Variants in CSMD3 observed in about 807,000 individuals in gnomAD.
CSMD3 encodes the protein CUB and sushi domain-containing protein 3.
In CSMD3, 177 loss-of-function variants were observed where a neutral mutation model predicts 435.2. The observed-to-expected ratio is 0.41, with a 90% CI of 0.36 to 0.46. The LOEUF (loss-of-function observed/expected upper bound fraction) is 0.46. Ranked by LOEUF, CSMD3 falls within the 20% of genes least tolerant of loss-of-function variation. CSMD3 has a pLI of 0.34. For synonymous variants in CSMD3, 1,656 were observed against 1,520.5 expected, an observed-to-expected ratio of 1.09 and a Z score of -2.07; for missense variants, 4,265 against 4,504.6, an observed-to-expected ratio of 0.95 and a Z score of 1.52.
chr8:113,395,345 C>T (rs535731638), intron 1 of CSMD3, among the ~76,000 whole-genome samples: 2 of 152,048 alleles, frequency 1.3e-5, no homozygotes, highest in Non-Finnish European at 2.9e-5. Context: ...CGGTGGCTCA[C>T]GCCTGTAATC....
chr8:113,373,661 A>G (rs2133064351), intron 1 of CSMD3, among the ~76,000 whole-genome samples: 1 of 152,226 alleles, frequency 6.6e-6, no homozygotes, highest in Middle Eastern at 3.4e-3. Context: ...CAATGTTACT[A>G]ACATGAAAAA....
intron 12 of CSMD3, among the ~76,000 whole-genome samples, chr8:112,806,552 T>G (rs188082446): frequency 1.3e-5 from 2 of 152,190 alleles, no homozygotes; most frequent in Non-Finnish European, 2.9e-5. Flanking sequence ...AGAACAAGCA[T>G]TGATCCCAGT....
intron 59 of CSMD3, among the ~76,000 whole-genome samples, chr8:112,274,477 G>A (rs1232880162): frequency 2.0e-5 from 3 of 152,040 alleles, no homozygotes; most frequent in East Asian, 1.9e-4. Context: ...TACCAGAGTC[G>A]ACATTGACAG....
chr8:112,997,161 G>T (rs1206726223), intron 6 of CSMD3, among the ~76,000 whole-genome samples: 1 of 151,644 alleles, frequency 6.6e-6, no homozygotes, highest in African/African-American at 2.4e-5. Context: ...TCAATGTTTA[G>T]TGATAATGGT....
intron 61 of CSMD3, among the ~76,000 whole-genome samples, chr8:112,258,740 C>T (rs1231369485): frequency 6.6e-6 from 1 of 152,116 alleles, no homozygotes; most frequent in Non-Finnish European, 1.5e-5. Flanking sequence ...GCATCTAGAA[C>T]TAGAAATACC....
At chr8:113,433,075 C>T (rs908363902) in intron 1 of CSMD3, among the ~76,000 whole-genome samples, 14 of 152,198 alleles carry the variant, frequency 9.2e-5, no homozygotes, top group African/African-American at 3.4e-4. Flanking sequence ...GGGAGGGGCG[C>T]CTGTCCAAAC....
chr8:113,313,068 T>C (rs2093882536), intron 2 of CSMD3: 2 of 152,304 alleles, frequency 1.3e-5, no homozygotes, highest in East Asian at 1.9e-4. Flanking sequence ...TGTGCTCTAA[T>C]AGGATTTTGT....
chr8:112,975,852 C>T lies in CSMD3; in HGVS notation c.1327G>A (p.Val443Ile). ...CATCCAATACCTCTATGAGTAACAA[C>T]TGCAAGCTCTTTAGTTCTTTCTATC... ...EQIERTKELA[V>I]VTHRVKKAID... Residue 443 changes from valine (V) to isoleucine (I), a missense_variant, in exon 7 of 71, where the codon GTT becomes ATT. Around this residue, in one of 3 missense-constraint regions of CSMD3, gnomAD observed 731 missense variants for 755.4 expected, o/e 0.97. Transcript: ENST00000297405. 6.2e-7 allele frequency: 1 copy of T among 1,613,386 alleles called. No individual in the cohort carries two copies. The highest frequency in any genetic ancestry group is 8.5e-7 in the Non-Finnish European group (1 of 1,179,846).
At chr8:112,330,317 G>C (rs1823913188) in intron 45 of CSMD3, among the ~76,000 whole-genome samples, 1 of 151,876 alleles carries the variant, frequency 6.6e-6, no homozygotes, top group Non-Finnish European at 1.5e-5. Flanking sequence ...TTCTTCAATA[G>C]AAAATGTGCC....
At chr8:112,449,427 G>C (rs1407849696) in intron 32 of CSMD3, among the ~76,000 whole-genome samples, 1 of 152,050 alleles carries the variant, frequency 6.6e-6, no homozygotes, top group East Asian at 1.9e-4. Flanking sequence ...AGTGAGGTTG[G>C]GGGCAGGGTA....
intron 13 of CSMD3, among the ~76,000 whole-genome samples, chr8:112,742,590 G>A (rs1358069326): frequency 1.3e-5 from 2 of 151,644 alleles, no homozygotes; most frequent in Non-Finnish European, 2.9e-5. Context: ...AGATTTAATA[G>A]GTCAGAGAAG....
At chr8:112,677,369 T>C (rs2075791513) in intron 16 of CSMD3, among the ~76,000 whole-genome samples, 1 of 151,190 alleles carries the variant, frequency 6.6e-6, no homozygotes, top group East Asian at 1.9e-4. Flanking sequence ...TAGAAAGGTA[T>C]TTGAGAAGCC....
At chr8:112,284,081 C>T (rs947624695) in intron 58 of CSMD3, among the ~76,000 whole-genome samples, 1 of 151,694 alleles carries the variant, frequency 6.6e-6, no homozygotes, top group Non-Finnish European at 1.5e-5. Context: ...AAATATATTG[C>T]CACAGAACCA....
intron 38 of CSMD3, among the ~76,000 whole-genome samples, chr8:112,358,630 C>T (rs941662459): frequency 6.6e-5 from 10 of 152,192 alleles, no homozygotes; most frequent in Admixed American, 4.6e-4. Flanking sequence ...CAAGTTCCCT[C>T]TCTTTGCCTG....
intron 2 of CSMD3, among the ~76,000 whole-genome samples, chr8:113,293,311 T>C (rs1268196452): frequency 6.6e-6 from 1 of 151,760 alleles, no homozygotes; most frequent in Non-Finnish European, 1.5e-5. Context: ...GTCCAAAACC[T>C]GAATTTGGAG....
intron 28 of CSMD3, 89 bp from the exon 29 acceptor site, chr8:112,506,918 G>C (rs1011588458): frequency 8.6e-7 from 1 of 1,160,258 alleles, no homozygotes; most frequent in African/African-American, 1.5e-5. Context: ...CTCTAAAAGA[G>C]CTTATGAGGC....
intron 2 of CSMD3, among the ~76,000 whole-genome samples, chr8:113,300,021 G>T (rs1330719624): frequency 2.6e-5 from 4 of 151,852 alleles, no homozygotes; most frequent in Non-Finnish European, 4.4e-5. Context: ...AAGCATGGTG[G>T]TGCATGTCTG....
chr8:113,329,702 C>CA (rs3080738), intron 1 of CSMD3, among the ~76,000 whole-genome samples: 4 of 151,564 alleles, frequency 2.6e-5, no homozygotes, highest in Admixed American at 1.3e-4. Flanking sequence ...TGTTGAAAGA[C>CA]AAAGTGAGAA....
At chr8:112,487,456 G>A (rs1237716281) in intron 31 of CSMD3, among the ~76,000 whole-genome samples, 1 of 152,198 alleles carries the variant, frequency 6.6e-6, no homozygotes, top group Non-Finnish European at 1.5e-5. Flanking sequence ...CTCAAAGAAT[G>A]TAGCAGAGGG....
Sources: allele counts gnomAD v4.1 joint callset (sites outside exome capture counted in the v4.1 genomes callset), GRCh38; gene constraint gnomAD v4.1.1; regional missense constraint gnomAD v4.1.1; transcripts MANE v1.5; gene names NCBI Gene and HGNC (gene_info 2026-07-23, HGNC 2026-07-21).